POC1B: variants seen among roughly 807,000 people sequenced by gnomAD.
POC1B encodes the protein POC1 centriolar protein homolog B.
POC1B carries 44 observed loss-of-function variants against 60.6 expected under a neutral mutation model. The observed-to-expected ratio is 0.73, with a 90% CI of 0.57 to 0.93. POC1B has a LOEUF of 0.93. Among genes scored for constraint, POC1B ranks in the 40% least tolerant of loss-of-function variants. The pLI is 0.00. For missense variants in POC1B, 555 were observed against 572.3 expected (o/e 0.97, Z 0.31); for synonymous variants, 180 against 198.9 (o/e 0.90, Z 0.80).
intron 4 of POC1B, among the ~76,000 whole-genome samples, chr12:89,480,836 G>C (rs1883306135): frequency 6.6e-6 from 1 of 152,178 alleles, no homozygotes; most frequent in Non-Finnish European, 1.5e-5. Flanking sequence ...TCCTGACCTT[G>C]TGATCTGCCC....
At chr12:89,477,637 C>A (rs1303448898) in intron 4 of POC1B, among the ~76,000 whole-genome samples, 1 of 152,198 alleles carries the variant, frequency 6.6e-6, no homozygotes, top group Non-Finnish European at 1.5e-5. Context: ...TACTTCCCCA[C>A]ATTCCAATCC....
intron 10 of POC1B, among the ~76,000 whole-genome samples, chr12:89,441,627 C>T (rs1319759527): frequency 1.3e-5 from 2 of 152,208 alleles, no homozygotes. Context: ...TCACCATCAT[C>T]AAAGACCAAA....
At chr12:89,449,579 A>G (rs1245731992) in intron 10 of POC1B, among the ~76,000 whole-genome samples, 1 of 152,242 alleles carries the variant, frequency 6.6e-6, no homozygotes. Flanking sequence ...CAAATTGGCA[A>G]GTTGGCAATT....
rs1021856812 is a variant in POC1B at position 89,500,115 on chromosome 12, A to G, written c.101-2773T>C. ...AACATGGCTGTGTCGGGTCTGGATC[A>G]TCTCAAAAATGGCTACAGAAGAAGA... On this transcript the variant is annotated intron_variant, in intron 2 of 11. Transcript: ENST00000313546. 18 of 1,479,854 alleles carry G rather than the reference A, an allele frequency of 1.2e-5. No homozygotes were observed. In the African/African-American group the frequency reaches 2.4e-4, roughly 19 times the overall value. The allele number at this position is 1,479,854 out of a possible 1,614,324, so 91.7% of individuals were successfully genotyped here. A position where few individuals can be genotyped will look rare whatever the true frequency, so the allele number is the denominator to read the frequency against.
In POC1B at chr12:89,525,943, A is replaced by AGGGGAGGGGAGAGGAT; in HGVS notation, c.-64_-49dup. ...CTCCTGTGGGTGGGGGAACCCGGAG[A>AGGGGAGGGGAGAGGAT]GGGGAGGGGAGAGGATGGGGAAGGA... is the stretch of plus-strand genomic sequence containing the variant. On this transcript the variant is annotated 5_prime_UTR_variant, in exon 1 of 12. Transcript: ENST00000313546. The AGGGGAGGGGAGAGGAT allele has an allele frequency of 6.5e-7, 1 of 1,528,536 alleles. No individual in the cohort carries two copies. The highest frequency in any genetic ancestry group is 8.8e-7 in the Non-Finnish European group (1 of 1,134,580). The allele number at this position is 1,528,536 out of a possible 1,614,324, so 94.7% of individuals were successfully genotyped here.
At chr12:89,504,392 G>C (rs1240303370) in intron 2 of POC1B, among the ~76,000 whole-genome samples, 1 of 152,150 alleles carries the variant, frequency 6.6e-6, no homozygotes, top group Non-Finnish European at 1.5e-5. Context: ...TTGTTAAACA[G>C]ATGCTTGAAG....
the POC1B span, among the ~76,000 whole-genome samples, chr12:89,414,702 A>C: frequency 6.6e-6 from 1 of 152,238 alleles, no homozygotes; most frequent in African/African-American, 2.4e-5. Flanking sequence ...TGTTTTTATT[A>C]TTAAATTTGC....
intron 9 of POC1B, chr12:89,460,125 C>G: frequency 3.9e-6 from 1 of 255,508 alleles, no homozygotes; most frequent in South Asian, 3.9e-5. Context: ...ATAATGTTAT[C>G]TAGAATTTAT....
intron 11 of POC1B, among the ~76,000 whole-genome samples, chr12:89,423,627 T>A (rs916882020): frequency 1.3e-5 from 2 of 152,238 alleles, no homozygotes; most frequent in Admixed American, 6.5e-5. Flanking sequence ...TGTTAAGTCA[T>A]CTGTAATTAA....
At chr12:89,484,877 C>T (rs901721665) in intron 4 of POC1B, among the ~76,000 whole-genome samples, 2 of 152,156 alleles carry the variant, frequency 1.3e-5, no homozygotes, top group African/African-American at 2.4e-5. Flanking sequence ...CTGGCAGGTG[C>T]GTGGATGGGG....
intron 2 of POC1B, 88 bp from the exon 3 acceptor site, chr12:89,497,430 A>G (rs1176539581): frequency 4.5e-6 from 6 of 1,346,010 alleles, no homozygotes; most frequent in Non-Finnish European, 6.1e-6. Context: ...ATCTAATAAC[A>G]AGGCATCCAG....
At chr12:89,428,053 A>T (rs906388481) in intron 10 of POC1B, 5 of 152,192 alleles carry the variant, frequency 3.3e-5, no homozygotes, top group Non-Finnish European at 7.3e-5. Context: ...AATACAAAGG[A>T]TTCTCTAAGA....
chr12:89,456,821 G>A (rs980993631), intron 10 of POC1B, among the ~76,000 whole-genome samples: 3 of 152,124 alleles, frequency 2.0e-5, no homozygotes, highest in African/African-American at 4.8e-5. Flanking sequence ...AGACATCAGA[G>A]CACAGATATC....
chr12:89,447,133 C>T (rs566420926), intron 10 of POC1B, among the ~76,000 whole-genome samples: 5 of 152,180 alleles, frequency 3.3e-5, no homozygotes, highest in African/African-American at 7.2e-5. Context: ...GTTTTCAATA[C>T]ATTTAAGGTG....
chr12:89,460,335 T>A (rs963245537), intron 9 of POC1B, among the ~76,000 whole-genome samples: 1 of 152,140 alleles, frequency 6.6e-6, no homozygotes, highest in Non-Finnish European at 1.5e-5. Context: ...ATAAAACTTA[T>A]GTTAACATTA....
intron 2 of POC1B, chr12:89,524,317 C>A (rs1871216155): frequency 4.3e-6 from 7 of 1,613,940 alleles, no homozygotes; most frequent in Non-Finnish European, 5.1e-6. Context: ...GCTGGCTTTC[C>A]CCCACTCCCC....
At chr12:89,524,934 TG>T in intron 2 of POC1B, 185 bp downstream of exon 2, 11 of 945,454 alleles carry the variant, frequency 1.2e-5, no homozygotes, top group South Asian at 1.7e-5. Context: ...GGCCGGGGGC[TG>T]GGGGCCGGGA....
intron 10 of POC1B, among the ~76,000 whole-genome samples, chr12:89,456,002 C>G (rs1386271553): frequency 7.4e-6 from 1 of 135,616 alleles, no homozygotes; most frequent in African/African-American, 2.7e-5. Flanking sequence ...GTTTAAAACT[C>G]TTTTTTGTTG....
At chr12:89,523,759 A>C (rs1871145517) in intron 2 of POC1B, 1 of 1,540,902 alleles carries the variant, frequency 6.5e-7, no homozygotes, top group Admixed American at 2.2e-5. Context: ...ATAGAATTCA[A>C]AAGTATTCCA....
Sources: gnomAD v4.1 joint callset for allele counts (sites outside exome capture counted in the v4.1 genomes callset) on GRCh38, gnomAD v4.1.1 for gene constraint, MANE v1.5 for transcripts, NCBI Gene and HGNC (gene_info 2026-07-23, HGNC 2026-07-21) for gene names.